Variants in CDK12 observed in about 807,000 individuals in gnomAD.
CDK12 encodes cyclin-dependent kinase 12.
CDK12 carries 17 observed loss-of-function variants against 133.8 expected under a neutral mutation model. The observed-to-expected ratio is 0.13, with a 90% CI of 0.09 to 0.19. CDK12 has a LOEUF of 0.19. Among genes scored for constraint, CDK12 ranks in the 10% least tolerant of loss-of-function variants. CDK12 has a pLI of 1.00. For synonymous variants in CDK12, 694 were observed against 683.6 expected (o/e 1.02, Z -0.24); for missense variants, 1,508 against 1,818.7 (o/e 0.83, Z 3.11).
At chr17:39,552,971 C>T (rs1043466640) in intron 2 of CDK12, among the ~76,000 whole-genome samples, 5 of 152,128 alleles carry the variant, frequency 3.3e-5, no homozygotes, top group African/African-American at 4.8e-5. Context: ...TCAAGTGATC[C>T]GCCTGCCTCG....
At chr17:39,481,837 C>T (rs1235421030) in intron 2 of CDK12, among the ~76,000 whole-genome samples, 2 of 151,738 alleles carry the variant, frequency 1.3e-5, no homozygotes, top group African/African-American at 4.8e-5. Flanking sequence ...TCTCCTGCCT[C>T]ACCCTCCCAA....
At chr17:39,506,638 G>C (rs1176844892) in intron 6 of CDK12, among the ~76,000 whole-genome samples, 1 of 152,260 alleles carries the variant, frequency 6.6e-6, no homozygotes, top group Non-Finnish European at 1.5e-5. Flanking sequence ...CTAAGGCAAC[G>C]AGGAAGACAA....
At chr17:39,481,650 CT>C (rs2050684953) in intron 2 of CDK12, among the ~76,000 whole-genome samples, 14 of 15,772 alleles carry the variant, frequency 8.9e-4, no homozygotes, top group Non-Finnish European at 1.6e-3. Flanking sequence ...CTCTCTCTCT[CT>C]CTCTCTCTCT....
intron 3 of CDK12, among the ~76,000 whole-genome samples, 186 bp from the exon 4 acceptor site, chr17:39,492,565 G>A (rs564108627): frequency 1.3e-5 from 2 of 149,850 alleles, no homozygotes; most frequent in South Asian, 4.2e-4. Context: ...CCGCTACCAC[G>A]CCTGGCTAAT....
rs1235820257 is a variant in CDK12, at chr17:39,479,333, A to G, written c.1931+7570A>G. 1.6e-4 allele frequency among the ~76,000 whole-genome samples: 23 copies of G among 146,040 alleles called. No homozygotes were observed. The Admixed American group carries it at 1.6e-3, about 10-fold the overall frequency. On this transcript the variant is annotated intron_variant, in intron 2 of 13. Coordinates refer to ENST00000447079, the MANE Select transcript of CDK12 (RefSeq NM_016507.4). ...GAAAAAAAAAAAAAAAAAAAAATCTAAAAGTTTTGTAAGGAGCTCACTTAT... is the reference window on the plus strand; with the variant it reads ...GAAAAAAAAAAAAAAAAAAAAATCTGAAAGTTTTGTAAGGAGCTCACTTAT...
In CDK12 at chr17:39,462,710, G is replaced by A; in HGVS notation, c.639G>A (p.Val213=). The change falls in exon 1 of 14, where the codon GTG becomes GTA. Residue 213 remains valine, a synonymous_variant. Coordinates refer to ENST00000447079, the MANE Select transcript of CDK12 (RefSeq NM_016507.4). Reference sequence around the variant, plus strand: ...AAACACCCAAAAGTTACAAAACAGTGGACAGCCCAAAACGGAGATCCAGGA... The same window carrying A: ...AAACACCCAAAAGTTACAAAACAGTAGACAGCCCAAAACGGAGATCCAGGA... The part of the protein sequence containing the change: ...KRETPKSYKT[V]DSPKRRSRSP... 1 of 1,614,152 alleles carries A rather than the reference G, an allele frequency of 6.2e-7. No individual in the cohort carries two copies.
At position 39,517,537 on chromosome 17, in the gene CDK12, C is replaced by G. The variant is rs1278898215; in HGVS notation, c.2944C>G (p.Leu982Val). The change falls in exon 10 of 14, where the codon CTA becomes GTA. Residue 982 changes from leucine to valine, a missense_variant. Leu to Val is a conservative substitution (Grantham distance 32, BLOSUM62 1). This residue lies in a region of CDK12 where 82 missense variants were observed against 201.5 expected (regional missense o/e 0.41). Coordinates refer to ENST00000447079, the MANE Select transcript of CDK12 (RefSeq NM_016507.4). ...MKPKKQYRRR[L>V]REEFSFIPSA... The stretch of plus-strand genomic sequence containing the variant: ...ACCGAAGAAGCAATATCGAAGGCGT[C>G]TACGAGAAGAATTCTCTTTGTGAGT... 1 of 1,602,092 alleles carries G rather than the reference C, an allele frequency of 6.2e-7. No homozygotes were observed. The highest frequency in any genetic ancestry group is 8.6e-7 in the Non-Finnish European group (1 of 1,169,068).
downstream of CDK12, among the ~76,000 whole-genome samples, chr17:39,538,676 A>C (rs1031355828): frequency 1.3e-5 from 2 of 152,214 alleles, no homozygotes; most frequent in African/African-American, 4.8e-5. Flanking sequence ...AGGTGGGTGG[A>C]TCACGAGGTC....
At chr17:39,542,157 A>G (rs982382983) in intron 1 of CDK12, among the ~76,000 whole-genome samples, 3 of 151,354 alleles carry the variant, frequency 2.0e-5, no homozygotes, top group African/African-American at 7.3e-5. Flanking sequence ...ATACATATAT[A>G]TATGTGTGTG....
chr17:39,517,162 A>G (rs2053866989), intron 9 of CDK12, among the ~76,000 whole-genome samples: 2 of 152,178 alleles, frequency 1.3e-5, no homozygotes, highest in African/African-American at 4.8e-5. Context: ...AAAAACCTGT[A>G]TGGGGGGATT....
chr17:39,505,075 A>C (rs894974956), intron 6 of CDK12, among the ~76,000 whole-genome samples: 3 of 151,244 alleles, frequency 2.0e-5, no homozygotes, highest in Non-Finnish European at 4.4e-5. Flanking sequence ...CTAAAATACA[A>C]AAAATTAGCT....
chr17:39,501,709 C>T (rs992147167), intron 6 of CDK12, among the ~76,000 whole-genome samples: 5 of 152,150 alleles, frequency 3.3e-5, no homozygotes, highest in South Asian at 4.2e-4. Flanking sequence ...GTTTTAATAG[C>T]GTAAACAAAC....
Position 39,531,224 on chromosome 17 carries a change from G to C in CDK12, c.4381G>C (p.Gly1461Arg). Residue 1461 changes from glycine (G) to arginine (R), a missense_variant, in exon 14 of 14, where the codon GGC becomes CGC. By Grantham distance (125) the Gly-to-Arg change is moderately radical. Transcript: ENST00000447079. The stretch of plus-strand genomic sequence containing the variant: ...CTCAGGAGCAGGCCTTCACTGGGGG[G>C]GCCCAACTCAGTCTTCTGCTTATGG... ...SSSGAGLHWGGPTQSSAYGKL... is the reference protein window; with the variant it reads ...SSSGAGLHWGRPTQSSAYGKL... 1 of 1,516,352 alleles carries C rather than the reference G, an allele frequency of 6.6e-7. No individual in the cohort carries two copies. The highest frequency in any genetic ancestry group is 8.8e-7 in the Non-Finnish European group (1 of 1,134,570). The allele number at this position is 1,516,352 out of a possible 1,614,324, so 93.9% of individuals were successfully genotyped here.
At chr17:39,538,903 A>AC (rs1347651517), downstream of CDK12, among the ~76,000 whole-genome samples, 51 of 145,608 alleles carry the variant, frequency 3.5e-4, no homozygotes, top group Middle Eastern at 3.5e-3. Flanking sequence ...CATCTCAAAT[A>AC]AATACATACA....
At chr17:39,534,995 A>G (rs1381454697), downstream of CDK12, 3 of 152,228 alleles carry the variant, frequency 2.0e-5, 1 homozygote, top group African/African-American at 7.2e-5. Context: ...ATGCAGAGTC[A>G]GCATGGGGAT....
Position 39,509,994 on chromosome 17 carries a change from G to A in CDK12, c.2666+233G>A, listed in dbSNP as rs1391198283. Among the ~76,000 whole-genome samples, 6 of 151,750 alleles carry A rather than the reference G, an allele frequency of 4.0e-5. No individual in the cohort carries two copies. In the East Asian group the frequency reaches 1.2e-3, roughly 29 times the overall value. The stretch of plus-strand genomic sequence containing the variant: ...TTTTTGTATTTTTAGTAGAGACGGG[G>A]TTTTGCTATGTTGCCTAGGTTAGTC... On this transcript the variant is annotated intron_variant, in intron 7 of 13. Transcript: ENST00000447079.
intron 1 of CDK12, among the ~76,000 whole-genome samples, chr17:39,466,357 G>A (rs889367284): frequency 1.7e-4 from 26 of 150,318 alleles, no homozygotes; most frequent in African/African-American, 5.9e-4. Context: ...GATCACGCCT[G>A]TAATCCTAGC....
Position 39,532,102 on chromosome 17 carries a change from T to TTCTCTCTCTCTCTA in CDK12, c.*799_*800insATCTCTCTCTCTCT, listed in dbSNP as rs1232452261. 1.8e-4 allele frequency: 39 copies of TTCTCTCTCTCTCTA among 218,626 alleles called. 1 individual carries two copies. The highest frequency in any genetic ancestry group is 8.8e-4 in the African/African-American group (34 of 38,520). 13.5% of individuals were successfully genotyped at this position (218,626 alleles called of 1,614,324 possible). On this transcript the variant is annotated 3_prime_UTR_variant, in exon 14 of 14. Transcript: ENST00000447079. ...GCTGATGTGTGCTCTCTCTCTCTCTTTCTCTCTCTCTCTCTCTCTCTCTCT... is the reference window on the plus strand; with the variant it reads ...GCTGATGTGTGCTCTCTCTCTCTCTTTCTCTCTCTCTCTATCTCTCTCTCTCTCTCTCTCTCTCT...
chr17:39,544,664 T>C (rs4392104), upstream of CDK12, among the ~76,000 whole-genome samples: 86,762 of 138,940 alleles, frequency 0.62, 29,856 homozygotes, highest in South Asian at 0.89. Flanking sequence ...AGTTTTGCTC[T>C]TGTTGCCCAG....
Sources: allele counts gnomAD v4.1 joint callset (sites outside exome capture counted in the v4.1 genomes callset), GRCh38; gene constraint gnomAD v4.1.1; regional missense constraint gnomAD v4.1.1; transcripts MANE v1.5; gene names NCBI Gene and HGNC (gene_info 2026-07-23, HGNC 2026-07-21).